HPCAL1: variants seen among roughly 807,000 people sequenced by gnomAD.
HPCAL1 encodes the protein hippocalcin like 1.
In HPCAL1, 8 loss-of-function variants were observed where a neutral mutation model predicts 17.1. That is an observed-to-expected ratio of 0.47 (90% CI 0.27 to 0.84). The LOEUF is 0.84. Among genes scored for constraint, HPCAL1 ranks in the 40% least tolerant of loss-of-function variants. HPCAL1 has a pLI of 0.13. For missense variants in HPCAL1, 165 were observed against 271.1 expected (o/e 0.61, Z 2.75); for synonymous variants, 112 against 111.4 (o/e 1.01, Z -0.03).
chr2:10,374,651 A>G (rs1667432084), intron 1 of HPCAL1, among the ~76,000 whole-genome samples: 1 of 152,188 alleles, frequency 6.6e-6, no homozygotes, highest in Admixed American at 6.5e-5. Flanking sequence ...ATTCAACTAT[A>G]GCATGTGGTT....
chr2:10,408,830 T>C (rs1159077148), intron 2 of HPCAL1: 1 of 152,050 alleles, frequency 6.6e-6, no homozygotes, highest in South Asian at 2.1e-4. Context: ...GCTTGAAGAG[T>C]CCCTGTTTGG....
chr2:10,349,039 T>C (rs1665657517), intron 1 of HPCAL1, among the ~76,000 whole-genome samples: 1 of 152,226 alleles, frequency 6.6e-6, no homozygotes, highest in Non-Finnish European at 1.5e-5. Flanking sequence ...TATTGTTTTA[T>C]GTTGTTCCTT....
At chr2:10,412,427 G>A (rs527941075) in intron 2 of HPCAL1, among the ~76,000 whole-genome samples, 13 of 152,192 alleles carry the variant, frequency 8.5e-5, no homozygotes, top group Non-Finnish European at 1.6e-4. Flanking sequence ...TGCCCTCTGG[G>A]GCCTCCAAGT....
intron 1 of HPCAL1, among the ~76,000 whole-genome samples, chr2:10,387,254 C>G (rs574592768): frequency 3.3e-5 from 5 of 152,260 alleles, no homozygotes; most frequent in Non-Finnish European, 7.3e-5. Flanking sequence ...GCCAGCCTCA[C>G]GGCCTCCTCA....
chr2:10,373,201 G>C (rs1372378128), intron 1 of HPCAL1, among the ~76,000 whole-genome samples: 1 of 152,232 alleles, frequency 6.6e-6, no homozygotes, highest in Non-Finnish European at 1.5e-5. Flanking sequence ...AGGATGATCT[G>C]GGAAGGAGAG....
intron 2 of HPCAL1, among the ~76,000 whole-genome samples, chr2:10,413,951 A>T (rs899752259): frequency 6.6e-6 from 1 of 152,244 alleles, no homozygotes; most frequent in Non-Finnish European, 1.5e-5. Flanking sequence ...GCCTGCCACT[A>T]GCCAACAATG....
intron 2 of HPCAL1, among the ~76,000 whole-genome samples, chr2:10,401,167 C>T (rs1191547339): frequency 6.6e-6 from 1 of 152,162 alleles, no homozygotes. Flanking sequence ...GCCAGCCAGG[C>T]TCCTCCCCAC....
intron 1 of HPCAL1, among the ~76,000 whole-genome samples, chr2:10,379,285 C>T (rs571672419): frequency 1.4e-4 from 22 of 151,870 alleles, no homozygotes; most frequent in South Asian, 8.3e-4. Context: ...AAATGTCCCT[C>T]ACAACTGGTT....
chr2:10,417,385 TC>T (rs970225261), intron 2 of HPCAL1, among the ~76,000 whole-genome samples: 1 of 150,132 alleles, frequency 6.7e-6, no homozygotes, highest in Non-Finnish European at 1.5e-5. Flanking sequence ...AAAAAAAAAG[TC>T]CCCAGGGCCC....
At position 10,381,601 on chromosome 2, in the gene HPCAL1, A is replaced by G. The variant is rs559940349; in HGVS notation, c.-110-15234A>G. ...CCCAGGTGCTCTGCGCCGCCAGAGC[A>G]TCATGTCATTTGGGATCCCTGATGG... On this transcript the variant is annotated intron_variant, in intron 1 of 4. Coordinates refer to ENST00000307845, the MANE Select transcript of HPCAL1 (RefSeq NM_002149.4). Among the ~76,000 whole-genome samples, 21 of 142,810 alleles carry G rather than the reference A, an allele frequency of 1.5e-4. No homozygotes were observed. In the South Asian group the frequency reaches 3.4e-3, roughly 23 times the overall value. 93.7% of individuals were successfully genotyped at this position (142,810 alleles called of 152,430 possible).
At chr2:10,311,615 TG>T (rs1472684466) in intron 1 of HPCAL1, among the ~76,000 whole-genome samples, 6 of 151,692 alleles carry the variant, frequency 4.0e-5, no homozygotes, top group Non-Finnish European at 8.8e-5. Context: ...TGGATGGGAG[TG>T]GGGGGAGAAG....
At chr2:10,404,474 G>T (rs959830958) in intron 2 of HPCAL1, among the ~76,000 whole-genome samples, 3 of 152,232 alleles carry the variant, frequency 2.0e-5, no homozygotes, top group African/African-American at 7.2e-5. Flanking sequence ...AGCCTGGCCT[G>T]TGCTGGTCAG....
At chr2:10,312,876 A>G (rs1434655093) in intron 1 of HPCAL1, among the ~76,000 whole-genome samples, 1 of 151,974 alleles carries the variant, frequency 6.6e-6, no homozygotes, top group Non-Finnish European at 1.5e-5. Flanking sequence ...CACCACCACC[A>G]CCATCACCAT....
At chr2:10,383,548 A>G (rs1244233788) in intron 1 of HPCAL1, among the ~76,000 whole-genome samples, 2 of 152,066 alleles carry the variant, frequency 1.3e-5, no homozygotes, top group African/African-American at 4.8e-5. Flanking sequence ...TTTTTAGTAG[A>G]GACTGGGTTT....
At chr2:10,412,529 C>G (rs541072483) in intron 2 of HPCAL1, among the ~76,000 whole-genome samples, 2 of 152,348 alleles carry the variant, frequency 1.3e-5, no homozygotes, top group East Asian at 3.9e-4. Flanking sequence ...TATGGAGGCT[C>G]AGGCCAGAAG....
Position 10,331,162 on chromosome 2 carries a change from G to T in HPCAL1, c.-111+27985G>T, listed in dbSNP as rs1451573347. The stretch of plus-strand genomic sequence containing the variant: ...TGCATGCGGGCCTTGCCAAGAGCCT[G>T]CAGAGGGCGGGGCGGGCTCTGGGGA... On this transcript the variant is annotated intron_variant, in intron 1 of 4. Transcript: ENST00000307845. This position sits in a 1 kb window ranked among gnomAD's most constrained non-coding sequence, Gnocchi z 5.0. Among the ~76,000 whole-genome samples the T allele has an allele frequency of 6.6e-6, 1 of 152,176 alleles. No homozygotes were observed. The highest frequency in any genetic ancestry group is 1.9e-4 in the East Asian group (1 of 5,188).
chr2:10,420,211 T>TTTA (rs1212712173), intron 3 of HPCAL1, 76 bp downstream of exon 3: 71 of 661,728 alleles, frequency 1.1e-4, no homozygotes, highest in Admixed American at 1.5e-4. Context: ...GCCCAGGGCT[T>TTTA]TTTTTTTTTT....
chr2:10,375,949 C>A (rs1465863003), intron 1 of HPCAL1, among the ~76,000 whole-genome samples: 2 of 152,222 alleles, frequency 1.3e-5, no homozygotes, highest in African/African-American at 2.4e-5. Flanking sequence ...TGATCCCCAG[C>A]ATTGCAGGAG....
chr2:10,345,101 CTG>C (rs1290521331), intron 1 of HPCAL1, among the ~76,000 whole-genome samples: 1 of 152,054 alleles, frequency 6.6e-6, no homozygotes, highest in African/African-American at 2.4e-5. Flanking sequence ...CTGCCTCTCT[CTG>C]TGTGTCTGTC....
Sources: gnomAD v4.1 joint callset for allele counts (sites outside exome capture counted in the v4.1 genomes callset) on GRCh38, gnomAD v4.1.1 for gene constraint, Gnocchi (gnomAD v3.1) non-coding constraint, MANE v1.5 for transcripts, NCBI Gene and HGNC (gene_info 2026-07-23, HGNC 2026-07-21) for gene names.